Variants in TMEM126A observed in about 807,000 individuals in gnomAD.
TMEM126A encodes the protein optic atrophy 7.
A neutral mutation model predicts 18.3 loss-of-function variants in TMEM126A; 10 were observed. The observed-to-expected ratio is 0.55, with a 90% CI of 0.34 to 0.93. The LOEUF is 0.93. Ranked by LOEUF, TMEM126A falls within the 40% of genes least tolerant of loss-of-function variation. TMEM126A has a pLI of 0.02. For missense variants in TMEM126A, 246 were observed against 230.2 expected, an observed-to-expected ratio of 1.07 and a Z score of -0.44; for synonymous variants, 68 against 78.1, an observed-to-expected ratio of 0.87 and a Z score of 0.68.
intron 4 of TMEM126A, 23 bp downstream of exon 4, chr11:85,655,731 TA>T: frequency 6.7e-7 from 1 of 1,499,128 alleles, no homozygotes; most frequent in Non-Finnish European, 9.3e-7. Flanking sequence ...AAACTTTTTA[TA>T]ATATGTGATT....
In TMEM126A at chr11:85,654,055, C is replaced by T. The variant is rs758918897; in HGVS notation, c.87-8C>T. Reference sequence around the variant, plus strand: ...CCAAAGAAAAGTTCTTTCTTCTCACCCTTTCAGGAATCTACTTGAAAATGG... The same window carrying T: ...CCAAAGAAAAGTTCTTTCTTCTCACTCTTTCAGGAATCTACTTGAAAATGG... On this transcript the variant is annotated splice_region_variant and splice_polypyrimidine_tract_variant and intron_variant, in intron 2 of 4. Coordinates refer to ENST00000304511, the MANE Select transcript of TMEM126A (RefSeq NM_032273.4). 6.2e-7 allele frequency: 1 copy of T among 1,614,094 alleles called. No homozygotes were observed.
At chr11:85,654,943 G>A (rs2082526835) in intron 3 of TMEM126A, among the ~76,000 whole-genome samples, 2 of 151,536 alleles carry the variant, frequency 1.3e-5, no homozygotes, top group Admixed American at 6.6e-5. Flanking sequence ...CTTAAAGGGG[G>A]AAAATATTTT....
In TMEM126A at chr11:85,656,480, A is replaced by C; in HGVS notation, c.567A>C (p.Glu189Asp). The change falls in exon 5 of 5, where the codon GAA becomes GAC. Residue 189 changes from glutamate to aspartate, a missense_variant. Coordinates refer to ENST00000304511, the MANE Select transcript of TMEM126A (RefSeq NM_032273.4). ...TTATAAAGGCCCTTCAGTTATCTGA[A>C]CCTGGCAAAGAAATTCACTGATTTT... ...KLLIKALQLS[E>D]PGKEIH The C allele has an allele frequency of 6.2e-7, 1 of 1,613,012 alleles. No individual in the cohort carries two copies. The highest frequency in any genetic ancestry group is 8.5e-7 in the Non-Finnish European group (1 of 1,179,458).
chr11:85,648,557 T>C (rs559308380), intron 1 of TMEM126A, among the ~76,000 whole-genome samples: 16 of 152,358 alleles, frequency 1.1e-4, no homozygotes, highest in South Asian at 1.0e-3. Context: ...TCAGCACTTA[T>C]ACTGAATTGA....
intron 2 of TMEM126A, among the ~76,000 whole-genome samples, chr11:85,653,037 A>G (rs1485645915): frequency 4.6e-5 from 7 of 152,132 alleles, no homozygotes; most frequent in Non-Finnish European, 8.8e-5. Context: ...ATGTACTCCA[A>G]GTTCCTGAAC....
chr11:85,655,482 T>A, intron 3 of TMEM126A, 112 bp from the exon 4 acceptor site: 3 of 805,486 alleles, frequency 3.7e-6, no homozygotes, highest in Non-Finnish European at 6.6e-6. Context: ...CAATTACATT[T>A]GATATATTAC....
chr11:85,648,277 A>G (rs1287688156), intron 1 of TMEM126A, among the ~76,000 whole-genome samples, 188 bp downstream of exon 1: 1 of 152,234 alleles, frequency 6.6e-6, no homozygotes, highest in Non-Finnish European at 1.5e-5. Context: ...TTAACTCAGT[A>G]GAAAGGAGAA....
intron 4 of TMEM126A, 62 bp from the exon 5 acceptor site, chr11:85,656,247 G>C: frequency 7.1e-7 from 1 of 1,405,642 alleles, no homozygotes; most frequent in Admixed American, 1.7e-5. Flanking sequence ...ATGTATCACA[G>C]ATGGGTTTGC....
At chr11:85,648,687 C>T (rs965060348) in intron 1 of TMEM126A, among the ~76,000 whole-genome samples, 29 of 152,132 alleles carry the variant, frequency 1.9e-4, no homozygotes, top group African/African-American at 6.8e-4. Flanking sequence ...ATCATCTTAT[C>T]GTAGCCAAGG....
At chr11:85,654,011 G>GCTCACA (rs2082519235) in intron 2 of TMEM126A, 52 bp from the exon 3 acceptor site, 1 of 1,594,358 alleles carries the variant, frequency 6.3e-7, no homozygotes, top group Admixed American at 1.7e-5. Context: ...GATCGGGAAA[G>GCTCACA]CTCACACACA....
At position 85,655,853 on chromosome 11, in the gene TMEM126A, A is replaced by C. The variant is rs1275997124; in HGVS notation, c.395+145A>C. 4.8e-6 allele frequency: 3 copies of C among 624,922 alleles called. No homozygotes were observed. The African/African-American group carries it at 5.5e-5, about 12-fold the overall frequency. 38.7% of individuals were successfully genotyped at this position (624,922 alleles called of 1,614,324 possible). Reference sequence around the variant, plus strand: ...AAGTTAGCAAGACCTGTTTTTTCTTATAATGAAATTCTACTTATCAAGAAT... The same window carrying C: ...AAGTTAGCAAGACCTGTTTTTTCTTCTAATGAAATTCTACTTATCAAGAAT... On this transcript the variant is annotated intron_variant, in intron 4 of 4. Transcript: ENST00000304511.
chr11:85,648,696 G>A (rs1261641990), intron 1 of TMEM126A, among the ~76,000 whole-genome samples: 1 of 152,100 alleles, frequency 6.6e-6, no homozygotes, highest in African/African-American at 2.4e-5. Flanking sequence ...TCGTAGCCAA[G>A]GCCCTCAAAA....
intron 2 of TMEM126A, among the ~76,000 whole-genome samples, chr11:85,652,886 CAT>C (rs1341681982): frequency 2.6e-5 from 4 of 151,762 alleles, no homozygotes; most frequent in Non-Finnish European, 5.9e-5. Flanking sequence ...ATACATTTCA[CAT>C]GATTTTTATG....
rs553051120 is a variant in TMEM126A, at chr11:85,655,208, T to G, written c.281-386T>G. Reference sequence around the variant, plus strand: ...GTTTAAATTTGACGAGTATTTTGTTTTAATTCCCATGACCAGTGGAAACAA... The same window carrying G: ...GTTTAAATTTGACGAGTATTTTGTTGTAATTCCCATGACCAGTGGAAACAA... On this transcript the variant is annotated intron_variant, in intron 3 of 4. Coordinates refer to ENST00000304511, the MANE Select transcript of TMEM126A (RefSeq NM_032273.4). 1.8e-4 allele frequency among the ~76,000 whole-genome samples: 27 copies of G among 152,296 alleles called. No individual in the cohort carries two copies. In the South Asian group the frequency reaches 5.2e-3, roughly 29 times the overall value.
Position 85,656,358 on chromosome 11 carries a change from A to G in TMEM126A, c.445A>G (p.Ile149Val). ...PHKGNILSYW[I>V]RTSKPVFRKM... ...CAAAGGGAACATCTTAAGTTACTGG[A>G]TTAGAACTTCTAAGCCTGTCTTTAG... Residue 149 changes from isoleucine (I) to valine (V), a missense_variant, in exon 5 of 5, where the codon ATT (isoleucine) becomes GTT (valine). Coordinates refer to ENST00000304511, the MANE Select transcript of TMEM126A (RefSeq NM_032273.4). The G allele has an allele frequency of 6.2e-7, 1 of 1,612,722 alleles. No homozygotes were observed. The highest frequency in any genetic ancestry group is 1.8e-4 in the Middle Eastern group (1 of 5,616).
intron 1 of TMEM126A, among the ~76,000 whole-genome samples, 189 bp from the exon 2 acceptor site, chr11:85,650,060 C>CGG (rs2082487598): frequency 6.6e-6 from 1 of 151,964 alleles, no homozygotes; most frequent in Non-Finnish European, 1.5e-5. Flanking sequence ...TGAAGATATT[C>CGG]TGTATTTCCT....
At position 85,656,430 on chromosome 11, in the gene TMEM126A, C is replaced by T. The variant is rs762843225; in HGVS notation, c.517C>T (p.Leu173Phe). The change falls in exon 5 of 5, where the codon CTT becomes TTT. Residue 173 changes from leucine (L) to phenylalanine (F), a missense_variant. By Grantham distance (22) the Leu-to-Phe change is conservative. Coordinates refer to ENST00000304511, the MANE Select transcript of TMEM126A (RefSeq NM_032273.4). The stretch of plus-strand genomic sequence containing the variant: ...GCTCCAGACTATGTTTTCAGCATAC[C>T]TTGGGTCTGAACAATATAAACTACT... ...ILLQTMFSAY[L>F]GSEQYKLLIK... is the part of the protein sequence containing the mutation. The T allele has an allele frequency of 6.2e-7, 1 of 1,613,268 alleles. No homozygotes were observed. Among genetic ancestry groups the T allele is most frequent in the Non-Finnish European group, 8.5e-7 (1 of 1,179,606 alleles).
At chr11:85,654,367 T>G (rs1247031099) in intron 3 of TMEM126A, 111 bp downstream of exon 3, 1 of 1,068,062 alleles carries the variant, frequency 9.4e-7, no homozygotes, top group East Asian at 2.5e-5. Context: ...CAGTTAAGAT[T>G]AAATCTTGCT....
intron 1 of TMEM126A, 44 bp from the exon 2 acceptor site, chr11:85,650,205 C>T (rs917818088): frequency 7.8e-7 from 1 of 1,284,606 alleles, no homozygotes; most frequent in Non-Finnish European, 1.1e-6. Context: ...TTTTAAAATT[C>T]TTTGTATAAA....
Sources: allele counts gnomAD v4.1 joint callset (sites outside exome capture counted in the v4.1 genomes callset), GRCh38; gene constraint gnomAD v4.1.1; transcripts MANE v1.5; gene names NCBI Gene and HGNC (gene_info 2026-07-23, HGNC 2026-07-21).